IGF2BP3: variants seen among roughly 807,000 people sequenced by gnomAD.
IGF2BP3 encodes the protein insulin like growth factor 2 mRNA binding protein 3, also known as insulin-like growth factor 2 mRNA-binding protein 3.
Under a neutral mutation model 73.8 loss-of-function variants are expected in IGF2BP3, and 9 were observed. That is an observed-to-expected ratio of 0.12 (90% CI 0.07 to 0.21). IGF2BP3 has a LOEUF of 0.21. Among genes scored for constraint, IGF2BP3 ranks in the 10% least tolerant of loss-of-function variants. The pLI, the probability that IGF2BP3 is intolerant of heterozygous loss-of-function variation, is 1.00. For synonymous variants in IGF2BP3, 258 were observed against 256.7 expected (o/e 1.01, Z -0.05); for missense variants, 542 against 714.0 (o/e 0.76, Z 2.75).
At chr7:23,404,469 CA>C (rs1366916970) in intron 3 of IGF2BP3, among the ~76,000 whole-genome samples, 2 of 152,056 alleles carry the variant, frequency 1.3e-5, no homozygotes, top group East Asian at 3.9e-4. Flanking sequence ...GCAAGATGAA[CA>C]CAGAAATCTC....
chr7:23,337,898 G>T (rs917528895), intron 10 of IGF2BP3, among the ~76,000 whole-genome samples: 1 of 152,124 alleles, frequency 6.6e-6, no homozygotes, highest in Non-Finnish European at 1.5e-5. Context: ...AGTTATCCTG[G>T]GCCAGGGAAT....
At chr7:23,384,141 C>A (rs1023639024) in intron 3 of IGF2BP3, among the ~76,000 whole-genome samples, 10 of 141,924 alleles carry the variant, frequency 7.0e-5, no homozygotes, top group African/African-American at 1.3e-4. Context: ...ATACAGGCAA[C>A]AACATTGAAG....
intron 5 of IGF2BP3, among the ~76,000 whole-genome samples, chr7:23,360,892 T>C (rs1785207994): frequency 6.6e-6 from 1 of 152,194 alleles, no homozygotes; most frequent in Admixed American, 6.5e-5. Context: ...GGCAGATCTG[T>C]TAAAGGCCAT....
At chr7:23,410,579 G>A (rs274035) in intron 3 of IGF2BP3, among the ~76,000 whole-genome samples, 94,200 of 151,980 alleles carry the variant, frequency 0.62, 29,722 homozygotes, top group African/African-American at 0.71. Context: ...ATTACCTCTA[G>A]TGATGTAAAG....
intron 12 of IGF2BP3, among the ~76,000 whole-genome samples, 192 bp downstream of exon 12, chr7:23,317,447 T>C (rs1203906999): frequency 6.6e-6 from 1 of 152,220 alleles, no homozygotes; most frequent in African/African-American, 2.4e-5. Context: ...CAGCAACCAG[T>C]ACAGAACTCT....
chr7:23,362,020 G>C (rs981785657), intron 3 of IGF2BP3, among the ~76,000 whole-genome samples: 2 of 152,160 alleles, frequency 1.3e-5, no homozygotes, highest in African/African-American at 4.8e-5. Flanking sequence ...TGGTTCCTGA[G>C]GCTGAAGGAG....
chr7:23,355,865 G>A (rs1040170487), intron 5 of IGF2BP3, among the ~76,000 whole-genome samples: 5 of 151,756 alleles, frequency 3.3e-5, no homozygotes, highest in African/African-American at 1.2e-4. Context: ...TCTGGGAGGC[G>A]GAGGTTGCAG....
intron 3 of IGF2BP3, among the ~76,000 whole-genome samples, chr7:23,370,867 CAG>C (rs1650597873): frequency 6.6e-6 from 1 of 151,510 alleles, no homozygotes; most frequent in African/African-American, 2.4e-5. Context: ...TTAGTAGAGA[CAG>C]AGTTTTGCCA....
At chr7:23,457,901 T>C (rs1290090098) in intron 2 of IGF2BP3, among the ~76,000 whole-genome samples, 1 of 152,230 alleles carries the variant, frequency 6.6e-6, no homozygotes, top group African/African-American at 2.4e-5. Flanking sequence ...ATGTTGTATC[T>C]GAACAAAAAA....
At chr7:23,343,952 C>A in intron 8 of IGF2BP3, 99 bp from the exon 9 acceptor site, 1 of 1,195,418 alleles carries the variant, frequency 8.4e-7, no homozygotes, top group Admixed American at 2.2e-5. Context: ...ACTGTGGAGC[C>A]TGGTAATATG....
At chr7:23,340,849 CTTTTTTTTTT>C (rs551566879) in intron 10 of IGF2BP3, among the ~76,000 whole-genome samples, 1 of 139,388 alleles carries the variant, frequency 7.2e-6, no homozygotes, top group Non-Finnish European at 1.6e-5. Flanking sequence ...TTTTCTTTTT[CTTTTTTTTTT>C]TTTTTTCCCA....
At chr7:23,347,822 G>C in intron 6 of IGF2BP3, 88 bp from the exon 7 acceptor site, 1 of 1,484,564 alleles carries the variant, frequency 6.7e-7, no homozygotes, top group African/African-American at 1.4e-5. Flanking sequence ...CAAAGTCATA[G>C]GGCTTCAGGG....
chr7:23,373,648 A>G (rs1785627220), intron 3 of IGF2BP3, among the ~76,000 whole-genome samples: 1 of 152,180 alleles, frequency 6.6e-6, no homozygotes, highest in Admixed American at 6.5e-5. Context: ...CAGTTCCTCA[A>G]AAAAAATTAA....
intron 5 of IGF2BP3, among the ~76,000 whole-genome samples, chr7:23,355,866 G>A (rs149253698): frequency 0.014 from 2,173 of 151,784 alleles, 28 homozygotes; most frequent in South Asian, 0.034. Context: ...CTGGGAGGCG[G>A]AGGTTGCAGT....
Position 23,312,746 on chromosome 7 carries a change from A to G in IGF2BP3, c.1630T>C (p.Tyr544His). 6.2e-7 allele frequency: 1 copy of G among 1,607,272 alleles called. No homozygotes were observed. Among genetic ancestry groups the G allele is most frequent in the Non-Finnish European group, 8.5e-7 (1 of 1,176,530 alleles). The change falls in exon 14 of 15, where the codon TAT (tyrosine) becomes CAT (histidine). Residue 544 changes from tyrosine (Y) to histidine (H), a missense_variant. Transcript: ENST00000258729. ...TAGAGCCCACTTGCCTGGCAAGCAT[A>G]GAAGTGACCAGTTATTTTGACAACC... ...QVVVKITGHFYACQVAQRKIQ... is the reference protein window; with the variant it reads ...QVVVKITGHFHACQVAQRKIQ...
At chr7:23,397,937 T>C (rs1229975395) in intron 3 of IGF2BP3, among the ~76,000 whole-genome samples, 1 of 152,174 alleles carries the variant, frequency 6.6e-6, no homozygotes, top group East Asian at 1.9e-4. Context: ...TCATGGATCC[T>C]TACAAAAGGG....
intron 10 of IGF2BP3, among the ~76,000 whole-genome samples, chr7:23,335,073 T>TAAAAAAAAAAAAAA (rs5882898): frequency 4.3e-5 from 3 of 69,196 alleles, no homozygotes; most frequent in African/African-American, 5.8e-5. Flanking sequence ...TCTTTAACAT[T>TAAAAAAAAAAAAAA]AAAAAAAAAA....
chr7:23,346,249 T>C, intron 7 of IGF2BP3, 187 bp from the exon 8 acceptor site: 1 of 550,240 alleles, frequency 1.8e-6, no homozygotes, highest in Non-Finnish European at 3.1e-6. Flanking sequence ...GGAGAAAAAA[T>C]ACAGAAGTTA....
intron 10 of IGF2BP3, among the ~76,000 whole-genome samples, chr7:23,335,073 T>TAAAA (rs5882898): frequency 1.4e-4 from 10 of 69,178 alleles, no homozygotes; most frequent in South Asian, 5.6e-4. Context: ...TCTTTAACAT[T>TAAAA]AAAAAAAAAA....
Sources: gnomAD v4.1 joint callset for allele counts (sites outside exome capture counted in the v4.1 genomes callset) on GRCh38, gnomAD v4.1.1 for gene constraint, MANE v1.5 for transcripts, NCBI Gene and HGNC (gene_info 2026-07-23, HGNC 2026-07-21) for gene names.